The following ARMH3 variants were observed in gnomAD, a reference collection of about 807,000 sequenced individuals.
ARMH3 encodes the protein armadillo-like helical domain-containing protein 3.
ARMH3 carries 60 observed loss-of-function variants against 99.1 expected under a neutral mutation model. That is an observed-to-expected ratio of 0.61 (90% CI 0.49 to 0.75). ARMH3 has a LOEUF of 0.75. ARMH3 is among the 30% of genes least tolerant of loss of function. The pLI, the probability that ARMH3 is intolerant of heterozygous loss-of-function variation, is 0.00. For missense variants in ARMH3, 679 were observed against 843.1 expected (o/e 0.81, Z 2.41); for synonymous variants, 285 against 292.8 (o/e 0.97, Z 0.27).
chr10:101,982,714 G>A (rs1336388660), intron 19 of ARMH3, among the ~76,000 whole-genome samples: 2 of 152,066 alleles, frequency 1.3e-5, no homozygotes, highest in Admixed American at 1.3e-4. Flanking sequence ...ATTGTGAACT[G>A]CGCATGCAAG....
intron 20 of ARMH3, among the ~76,000 whole-genome samples, chr10:101,963,945 C>T (rs1327761870): frequency 1.0e-4 from 15 of 145,892 alleles, no homozygotes; most frequent in African/African-American, 3.8e-4. Flanking sequence ...GGTGTGATCT[C>T]GGCTCACTGC....
At position 101,847,452 on chromosome 10, in the gene ARMH3, CT is replaced by C; in HGVS notation, c.*75del. 2 of 1,464,564 alleles carry C rather than the reference CT, an allele frequency of 1.4e-6. No homozygotes were observed. Among genetic ancestry groups the C allele is most frequent in the South Asian group, 1.1e-5 (1 of 87,572 alleles). 90.7% of individuals were successfully genotyped at this position (1,464,564 alleles called of 1,614,324 possible). On this transcript the variant is annotated 3_prime_UTR_variant, in exon 26 of 26. Coordinates refer to ENST00000370033, the MANE Select transcript of ARMH3 (RefSeq NM_024541.3). ...TCTCTCCAACCTCGGGGGCAGCCCC[CT>C]CTCCCCTCGCTCCCCCTCCAGCCCA...
chr10:101,903,717 C>T (rs576856346), intron 23 of ARMH3, among the ~76,000 whole-genome samples: 1 of 152,270 alleles, frequency 6.6e-6, no homozygotes, highest in East Asian at 1.9e-4. Context: ...AACAAATAGT[C>T]AAATTTTTCC....
At chr10:102,033,450 C>T (rs2136211285) in intron 2 of ARMH3, 111 bp from the exon 3 acceptor site, 5 of 1,187,250 alleles carry the variant, frequency 4.2e-6, no homozygotes, top group Non-Finnish European at 4.7e-6. Context: ...GATGGAATCT[C>T]GCTGTCGCCC....
intron 20 of ARMH3, among the ~76,000 whole-genome samples, chr10:101,963,831 T>C (rs1046371975): frequency 2.6e-5 from 4 of 151,926 alleles, no homozygotes; most frequent in Non-Finnish European, 4.4e-5. Flanking sequence ...GACCTACTTA[T>C]TTTATGCCAT....
intron 23 of ARMH3, among the ~76,000 whole-genome samples, chr10:101,903,500 T>C (rs1272789537): frequency 6.6e-6 from 1 of 152,024 alleles, no homozygotes; most frequent in African/African-American, 2.4e-5. Flanking sequence ...AGAGGAGGGG[T>C]GCTTAGCCCA....
chr10:102,052,121 T>C (rs942905229), intron 1 of ARMH3, among the ~76,000 whole-genome samples: 1 of 152,086 alleles, frequency 6.6e-6, no homozygotes, highest in Non-Finnish European at 1.5e-5. Context: ...CTGTCACTCA[T>C]ATCTTCTCAT....
chr10:102,028,051 C>CAA (rs926054840), intron 5 of ARMH3, among the ~76,000 whole-genome samples: 5 of 136,252 alleles, frequency 3.7e-5, no homozygotes, highest in African/African-American at 8.1e-5. Context: ...GACTTTTCTC[C>CAA]AAAAAAAAAA....
intron 23 of ARMH3, among the ~76,000 whole-genome samples, chr10:101,904,074 C>G (rs2068042439): frequency 6.6e-6 from 1 of 152,246 alleles, no homozygotes. Flanking sequence ...CACTTAAAGC[C>G]ACACTGAAGC....
At chr10:101,981,590 A>G (rs1846235638) in intron 19 of ARMH3, among the ~76,000 whole-genome samples, 1 of 152,238 alleles carries the variant, frequency 6.6e-6, no homozygotes, top group Admixed American at 6.5e-5. Flanking sequence ...ATAAGCCTCC[A>G]TTGCTACCTT....
intron 15 of ARMH3, among the ~76,000 whole-genome samples, chr10:101,998,691 G>A (rs892490579): frequency 3.9e-5 from 6 of 152,070 alleles, no homozygotes; most frequent in South Asian, 4.1e-4. Flanking sequence ...AAAAGTCTCC[G>A]AATCCTGGTC....
chr10:101,899,398 CTGAG>C (rs2067919986), intron 23 of ARMH3, among the ~76,000 whole-genome samples: 1 of 152,196 alleles, frequency 6.6e-6, no homozygotes, highest in Non-Finnish European at 1.5e-5. Flanking sequence ...AAAGGTATGA[CTGAG>C]TGTATGTGGC....
At chr10:101,865,592 G>A (rs906899666) in intron 24 of ARMH3, among the ~76,000 whole-genome samples, 30 of 151,892 alleles carry the variant, frequency 2.0e-4, no homozygotes, top group South Asian at 2.1e-4. Context: ...AGATTCAAGC[G>A]ATTCTCCTGC....
In ARMH3 at chr10:101,990,198, TC is replaced by T. The variant is rs111583992; in HGVS notation, c.1406+352del. On this transcript the variant is annotated intron_variant, in intron 19 of 25. Transcript: ENST00000370033. ...AACTTTCTTTTTTTTTTTTTTTTTT[TC>T]CCAGACAGAGTCTTCGCTCTGTCGC... is the stretch of plus-strand genomic sequence containing the variant. 1.2e-3 allele frequency among the ~76,000 whole-genome samples: 171 copies of T among 147,922 alleles called. 12 individuals carry two copies. Among genetic ancestry groups the T allele is most frequent in the Admixed American group, 2.7e-3 (40 of 14,874 alleles).
intron 1 of ARMH3, among the ~76,000 whole-genome samples, chr10:102,045,577 G>A (rs993878078): frequency 7.9e-5 from 12 of 152,178 alleles, no homozygotes; most frequent in East Asian, 3.8e-4. Context: ...AAATGCCACC[G>A]TGCCTAAACA....
intron 2 of ARMH3, among the ~76,000 whole-genome samples, chr10:102,037,970 A>G (rs142999756): frequency 1.1e-3 from 167 of 152,118 alleles, no homozygotes; most frequent in African/African-American, 3.8e-3. Flanking sequence ...CACTTCTGTA[A>G]TATCACTGTA....
At chr10:101,944,635 G>A (rs576734551) in intron 22 of ARMH3, among the ~76,000 whole-genome samples, 4 of 152,108 alleles carry the variant, frequency 2.6e-5, no homozygotes, top group South Asian at 4.2e-4. Flanking sequence ...CCAACATGGC[G>A]AAACCCTGTC....
In ARMH3 at chr10:102,043,290, G is replaced by A. The variant is rs193254454; in HGVS notation, c.-11-3165C>T. 7.9e-5 allele frequency among the ~76,000 whole-genome samples: 12 copies of A among 152,246 alleles called. No individual in the cohort carries two copies. The East Asian group carries it at 2.3e-3, about 29-fold the overall frequency. ...GAACACAGGTCTCCCAACCAACTCG[G>A]TGACATGGACAAGTTACTGTGCTTC... On this transcript the variant is annotated intron_variant, in intron 1 of 25. Transcript: ENST00000370033.
At chr10:101,876,479 C>T (rs755130023) in intron 24 of ARMH3, among the ~76,000 whole-genome samples, 3 of 152,168 alleles carry the variant, frequency 2.0e-5, no homozygotes, top group Non-Finnish European at 4.4e-5. Flanking sequence ...ATCTATCCCT[C>T]CCAAACAGAA....
Sources: allele counts gnomAD v4.1 joint callset (sites outside exome capture counted in the v4.1 genomes callset), GRCh38; gene constraint gnomAD v4.1.1; transcripts MANE v1.5; gene names NCBI Gene and HGNC (gene_info 2026-07-23, HGNC 2026-07-21).